EFHD1: variants seen among roughly 807,000 people sequenced by gnomAD.
The protein encoded by EFHD1 is EF-hand domain-containing protein D1.
Under a neutral mutation model 17.2 loss-of-function variants are expected in EFHD1, and 10 were observed. The ratio of observed to expected loss-of-function variants is 0.58; its 90% confidence interval spans 0.36 to 0.99. EFHD1 has a LOEUF of 0.99. Ranked by LOEUF, EFHD1 falls within the 50% of genes least tolerant of loss-of-function variation. The pLI is 0.01. For missense variants in EFHD1, 310 were observed against 327.5 expected (o/e 0.95, Z 0.41); for synonymous variants, 153 against 142.0 (o/e 1.08, Z -0.55).
At chr2:232,651,944 C>CCT (rs34047256) in intron 1 of EFHD1, among the ~76,000 whole-genome samples, 98,558 of 151,974 alleles carry the variant, frequency 0.65, 32,903 homozygotes, top group African/African-American at 0.8. Context: ...AAACCCAACT[C>CCT]CTGGCCATAT....
At position 232,678,119 on chromosome 2, in the gene EFHD1, T is replaced by TA. The variant is rs200599083; in HGVS notation, c.586-3458dup. Among the ~76,000 whole-genome samples, 552 of 150,936 alleles carry TA rather than the reference T, an allele frequency of 3.7e-3. 3 individuals are homozygous for TA. The highest frequency in any genetic ancestry group is 5.9e-3 in the Non-Finnish European group (399 of 67,682). Reference sequence around the variant, plus strand: ...CCAACATGGTGAAACCCTGTCTCACTAAAAAAAACAAAAATTAGCTGGGCG... The same window carrying TA: ...CCAACATGGTGAAACCCTGTCTCACTAAAAAAAAACAAAAATTAGCTGGGCG... On this transcript the variant is annotated intron_variant, in intron 3 of 3. Coordinates refer to ENST00000264059, the MANE Select transcript of EFHD1 (RefSeq NM_025202.4).
At chr2:232,606,179 T>G in intron 1 of EFHD1, 2 of 1,538,274 alleles carry the variant, frequency 1.3e-6, no homozygotes, top group Non-Finnish European at 8.8e-7. Flanking sequence ...TTGCAGTAAG[T>G]GCTCTTTAAA....
At chr2:232,679,564 A>G (rs1301632299) in intron 3 of EFHD1, among the ~76,000 whole-genome samples, 2 of 151,780 alleles carry the variant, frequency 1.3e-5, no homozygotes, top group African/African-American at 4.8e-5. Flanking sequence ...AAAATTGAAA[A>G]AATTAGCCTA....
At chr2:232,607,484 C>T (rs1693739784) in intron 1 of EFHD1, among the ~76,000 whole-genome samples, 1 of 150,724 alleles carries the variant, frequency 6.6e-6, no homozygotes, top group Non-Finnish European at 1.5e-5. Context: ...ACCCCAGATA[C>T]TCGGGAGGCT....
intron 3 of EFHD1, among the ~76,000 whole-genome samples, chr2:232,680,291 TACTC>T (rs1450422959): frequency 1.3e-5 from 2 of 151,638 alleles, no homozygotes; most frequent in African/African-American, 2.4e-5. Context: ...AAAAAGTACA[TACTC>T]AGCGTGTTTG....
At chr2:232,629,480 T>C (rs998614390), upstream of EFHD1, among the ~76,000 whole-genome samples, 1 of 152,222 alleles carries the variant, frequency 6.6e-6, no homozygotes, top group Non-Finnish European at 1.5e-5. Context: ...CTTTTTCTTT[T>C]TTTTTTCATA....
intron 1 of EFHD1, among the ~76,000 whole-genome samples, chr2:232,642,348 T>C (rs1245148069): frequency 8.2e-6 from 1 of 121,798 alleles, no homozygotes; most frequent in Admixed American, 1.2e-4. Context: ...CACTCCAGCC[T>C]GGGCGACAGA....
intron 1 of EFHD1, among the ~76,000 whole-genome samples, chr2:232,617,418 G>A (rs932550661): frequency 6.6e-6 from 1 of 152,086 alleles, no homozygotes; most frequent in Non-Finnish European, 1.5e-5. Context: ...GGGAGGCTGA[G>A]GCAGGTGGAT....
chr2:232,618,337 T>G (rs1204214916), intron 1 of EFHD1, among the ~76,000 whole-genome samples: 1 of 152,060 alleles, frequency 6.6e-6, no homozygotes, highest in Admixed American at 6.6e-5. Flanking sequence ...AGTTTTAAAA[T>G]GGACAAGGGA....
intron 3 of EFHD1, among the ~76,000 whole-genome samples, chr2:232,672,754 C>T (rs749284170): frequency 9.2e-5 from 14 of 152,206 alleles, no homozygotes; most frequent in Non-Finnish European, 1.6e-4. Flanking sequence ...GCCTGGCTCA[C>T]TGTGAGCCCT....
At chr2:232,636,480 G>A (rs568118513) in intron 1 of EFHD1, among the ~76,000 whole-genome samples, 20 of 152,286 alleles carry the variant, frequency 1.3e-4, no homozygotes, top group African/African-American at 4.6e-4. Context: ...TGAAGGCCAG[G>A]TGGATTTTAG....
chr2:232,623,731 A>G (rs923271938), intron 1 of EFHD1, among the ~76,000 whole-genome samples: 1 of 151,882 alleles, frequency 6.6e-6, no homozygotes, highest in Non-Finnish European at 1.5e-5. Context: ...AAAGAAAGAA[A>G]AAAAAGAAAT....
chr2:232,673,818 T>G (rs1212291266), intron 3 of EFHD1, among the ~76,000 whole-genome samples: 4 of 152,024 alleles, frequency 2.6e-5, no homozygotes, highest in Non-Finnish European at 4.4e-5. Flanking sequence ...TCACTGCAAC[T>G]TTGACCCAAC....
chr2:232,637,343 CTTT>C (rs575182576), intron 1 of EFHD1, among the ~76,000 whole-genome samples: 3 of 127,676 alleles, frequency 2.3e-5, no homozygotes. Context: ...CATGGCCTTC[CTTT>C]TTTTTTTTTT....
intron 1 of EFHD1, among the ~76,000 whole-genome samples, chr2:232,625,287 C>G (rs371752173): frequency 1.3e-5 from 2 of 151,030 alleles, no homozygotes; most frequent in African/African-American, 4.8e-5. Context: ...CACCACCATG[C>G]CTGGCTAATT....
At chr2:232,675,199 A>G (rs151206049) in intron 3 of EFHD1, among the ~76,000 whole-genome samples, 2 of 133,490 alleles carry the variant, frequency 1.5e-5, no homozygotes. Flanking sequence ...GAGAGAGAGA[A>G]AAGAAAGGAA....
intron 1 of EFHD1, among the ~76,000 whole-genome samples, chr2:232,646,572 G>C (rs1694533549): frequency 6.6e-6 from 1 of 150,476 alleles, no homozygotes; most frequent in Non-Finnish European, 1.5e-5. Context: ...AGCCTCCTGA[G>C]TAGCTGAGAT....
chr2:232,627,819 A>T (rs1486758371), intron 1 of EFHD1, among the ~76,000 whole-genome samples: 3 of 152,170 alleles, frequency 2.0e-5, no homozygotes, highest in African/African-American at 7.2e-5. Flanking sequence ...TTTTTAAACT[A>T]AGATTTATGG....
chr2:232,663,738 C>A (rs1322965764), intron 2 of EFHD1, among the ~76,000 whole-genome samples: 1 of 152,070 alleles, frequency 6.6e-6, no homozygotes, highest in African/African-American at 2.4e-5. Flanking sequence ...CCCATCACCT[C>A]CAGCATTTAT....
Sources: gnomAD v4.1 joint callset for allele counts (sites outside exome capture counted in the v4.1 genomes callset) on GRCh38, gnomAD v4.1.1 for gene constraint, MANE v1.5 for transcripts, NCBI Gene and HGNC (gene_info 2026-07-23, HGNC 2026-07-21) for gene names.